The following CDKN1B variants were observed in gnomAD, a reference collection of about 807,000 sequenced individuals.
CDKN1B encodes the protein cyclin-dependent kinase inhibitor 1B.
In CDKN1B, 7 loss-of-function variants were observed where a neutral mutation model predicts 17.1. The ratio of observed to expected loss-of-function variants is 0.41; its 90% CI spans 0.23 to 0.77. The LOEUF is 0.77. Among genes scored for constraint, CDKN1B ranks in the 30% least tolerant of loss-of-function variants. CDKN1B has a pLI of 0.33. For synonymous variants in CDKN1B, 149 were observed against 104.3 expected, an observed-to-expected ratio of 1.43 and a Z score of -2.61; for missense variants, 337 against 262.0, an observed-to-expected ratio of 1.29 and a Z score of -1.98.
Position 12,718,960 on chromosome 12 carries a change from T to C in CDKN1B, c.*8+6T>C, listed in dbSNP as rs1459838767. On this transcript the variant is annotated splice_donor_region_variant and intron_variant, in intron 2 of 2. Coordinates refer to ENST00000228872, the MANE Select transcript of CDKN1B (RefSeq NM_004064.5). ...CGTCAAACGTAAACAGCTCGGTGGG[T>C]TGATCACTAAAGGAGCACGCACTGG... 2.5e-6 allele frequency: 4 copies of C among 1,613,608 alleles called. No homozygotes were observed. The highest frequency in any genetic ancestry group is 1.1e-5 in the South Asian group (1 of 91,058).
In CDKN1B at chr12:12,718,748, T is replaced by C. The variant is rs3093731; in HGVS notation, c.476-77T>C. 4,434 of 1,571,500 alleles carry C rather than the reference T, an allele frequency of 2.8e-3. 93 individuals are homozygous for C. The Admixed American group carries it at 0.046, about 16-fold the overall frequency. On this transcript the variant is annotated intron_variant, in intron 1 of 2. Transcript: ENST00000228872. ...TAGTGGGTTTTTCATCCCCTGACTA[T>C]GGGGCCAACTTCTGCCAGCCATTGT...
At chr12:12,720,278 CA>C (rs1946529192) in intron 2 of CDKN1B, among the ~76,000 whole-genome samples, 1 of 152,170 alleles carries the variant, frequency 6.6e-6, no homozygotes, top group African/African-American at 2.4e-5. Flanking sequence ...CCTGTTCTGA[CA>C]TGCAATGAGG....
rs1946476825 is a variant in CDKN1B at position 12,717,487 on chromosome 12, A to G, written c.-353A>G. The G allele has an allele frequency of 1.5e-6, 2 of 1,341,426 alleles. No individual in the cohort carries two copies. Among genetic ancestry groups the G allele is most frequent in the Non-Finnish European group, 9.6e-7 (1 of 1,043,306 alleles). 83.1% of individuals were successfully genotyped at this position (1,341,426 alleles called of 1,614,324 possible). A position where few individuals can be genotyped will look rare whatever the true frequency, so the allele number is the denominator to read the frequency against. The stretch of plus-strand genomic sequence containing the variant: ...GCTTGCTCACGGCTCTGCGACTCCG[A>G]CGCCGGCAAGGTTTGGAGAGCGGCT... On this transcript the variant is annotated 5_prime_UTR_variant, in exon 1 of 3. Transcript: ENST00000228872.
intron 1 of CDKN1B, 122 bp from the exon 2 acceptor site, chr12:12,718,703 T>A (rs1946508151): frequency 8.8e-7 from 1 of 1,142,050 alleles, no homozygotes; most frequent in Non-Finnish European, 1.3e-6. Context: ...GGATGACGGA[T>A]CCAGGATTGT....
chr12:12,717,898 A>C lies in CDKN1B; in HGVS notation c.59A>C (p.Gln20Pro). Residue 20 changes from glutamine to proline, a missense_variant, in exon 1 of 3, where the codon CAG becomes CCG. Physicochemically the swap from Gln to Pro is moderately conservative, Grantham distance 76 (BLOSUM62 -1). Transcript: ENST00000228872. ...AGCCTGGAGCGGATGGACGCCAGGCAGGCGGAGCACCCCAAGCCCTCGGCC... is the reference window on the plus strand; with the variant it reads ...AGCCTGGAGCGGATGGACGCCAGGCCGGCGGAGCACCCCAAGCCCTCGGCC... Reference protein sequence around the residue: ...SPSLERMDARQAEHPKPSACR... With the variant: ...SPSLERMDARPAEHPKPSACR... 1 of 1,614,094 alleles carries C rather than the reference A, an allele frequency of 6.2e-7. No individual in the cohort carries two copies. Among genetic ancestry groups the C allele is most frequent in the Non-Finnish European group, 8.5e-7 (1 of 1,180,036 alleles).
In CDKN1B at chr12:12,717,750, G is replaced by A; in HGVS notation, c.-90G>A. On this transcript the variant is annotated 5_prime_UTR_variant, in exon 1 of 3. Transcript: ENST00000228872. ...GAGGGCAGTCGCTGGGCTTCCGAGA[G>A]GGGTTCGGGCTGCGTAGGGGCGCTT... is the stretch of plus-strand genomic sequence containing the variant. 6.3e-7 allele frequency: 1 copy of A among 1,596,364 alleles called. No homozygotes were observed. Among genetic ancestry groups the A allele is most frequent in the Non-Finnish European group, 8.5e-7 (1 of 1,178,024 alleles).
chr12:12,719,921 T>G (rs191432313), intron 2 of CDKN1B, among the ~76,000 whole-genome samples: 3 of 152,348 alleles, frequency 2.0e-5, no homozygotes, highest in African/African-American at 7.2e-5. Context: ...ACCAAGACTG[T>G]GACCTCTTTA....
At chr12:12,719,665 C>T (rs1043855798) in intron 2 of CDKN1B, 4 of 152,504 alleles carry the variant, frequency 2.6e-5, no homozygotes, top group Admixed American at 1.3e-4. Flanking sequence ...TCCAGGAACA[C>T]GTCAGCCAGT....
chr12:12,718,172 G>T lies in CDKN1B; in HGVS notation c.333G>T (p.Gly111=), dbSNP rs1191031178. 2 of 1,613,304 alleles carry T rather than the reference G, an allele frequency of 1.2e-6. No individual in the cohort carries two copies. The highest frequency in any genetic ancestry group is 1.7e-6 in the Non-Finnish European group (2 of 1,179,788). The change falls in exon 1 of 3, where the codon GGG becomes GGT. Residue 111 remains glycine, a synonymous_variant. Coordinates refer to ENST00000228872, the MANE Select transcript of CDKN1B (RefSeq NM_004064.5). The part of the protein sequence containing the change: ...VPAQESQDVS[G]SRPAAPLIGA... ...CGCAGGAGAGCCAGGATGTCAGCGGGAGCCGCCCGGCGGCGCCTTTAATTG... is the reference window on the plus strand; with the variant it reads ...CGCAGGAGAGCCAGGATGTCAGCGGTAGCCGCCCGGCGGCGCCTTTAATTG...
rs951362882 is a variant in CDKN1B at position 12,719,089 on chromosome 12, T to C, written c.*8+135T>C. 2.8e-6 allele frequency: 3 copies of C among 1,060,170 alleles called. No individual in the cohort carries two copies. The African/African-American group carries it at 4.8e-5, about 17-fold the overall frequency. 65.7% of individuals were successfully genotyped at this position (1,060,170 alleles called of 1,614,324 possible). A position where few individuals can be genotyped will look rare whatever the true frequency, so the allele number is the denominator to read the frequency against. ...TTTATACTTCGTGAGGTCAAAAAAG[T>C]AGCAATGGGGAAGGCTGGGGATACG... On this transcript the variant is annotated intron_variant, in intron 2 of 2. Transcript: ENST00000228872.
At chr12:12,718,361 G>A (rs1472872084) in intron 1 of CDKN1B, 47 bp downstream of exon 1, 2 of 1,524,090 alleles carry the variant, frequency 1.3e-6, no homozygotes, top group Non-Finnish European at 1.8e-6. Flanking sequence ...GCCCCGCTTT[G>A]CCTGCTGGAG....
In CDKN1B at chr12:12,717,906, C is replaced by T. The variant is rs1946487548; in HGVS notation, c.67C>T (p.His23Tyr). The change falls in exon 1 of 3, where the codon CAC becomes TAC. Residue 23 changes from histidine (H) to tyrosine (Y), a missense_variant. By Grantham distance (83) the His-to-Tyr change is moderately conservative. Transcript: ENST00000228872. ...LERMDARQAE[H>Y]PKPSACRNLF... is the part of the protein sequence containing the mutation. The stretch of plus-strand genomic sequence containing the variant: ...GCGGATGGACGCCAGGCAGGCGGAG[C>T]ACCCCAAGCCCTCGGCCTGCAGGAA... The T allele has an allele frequency of 6.2e-7, 1 of 1,614,102 alleles. No homozygotes were observed. The highest frequency in any genetic ancestry group is 1.7e-5 in the Admixed American group (1 of 60,028).
At chr12:12,719,007 A>AC in intron 2 of CDKN1B, 53 bp downstream of exon 2, 1 of 1,605,580 alleles carries the variant, frequency 6.2e-7, no homozygotes, top group Non-Finnish European at 8.5e-7. Flanking sequence ...TTCAGACCTC[A>AC]CGATACCTGA....
chr12:12,718,636 G>T (rs1946506891), intron 1 of CDKN1B, among the ~76,000 whole-genome samples, 189 bp from the exon 2 acceptor site: 1 of 151,970 alleles, frequency 6.6e-6, no homozygotes, highest in African/African-American at 2.4e-5. Context: ...CTGGGGCGGA[G>T]AATGCACTTT....
chr12:12,719,227 C>T, intron 2 of CDKN1B: 1 of 438,856 alleles, frequency 2.3e-6, no homozygotes, highest in Non-Finnish European at 4.2e-6. Flanking sequence ...CCTGTGAGTC[C>T]CACTAAAACG....
rs200321335 is a variant in CDKN1B at position 12,718,953 on chromosome 12, C to T, written c.*7C>T. On this transcript the variant is annotated splice_region_variant and 3_prime_UTR_variant, in exon 2 of 3. Coordinates refer to ENST00000228872, the MANE Select transcript of CDKN1B (RefSeq NM_004064.5). ...CAGAAGACGTCAAACGTAAACAGCT[C>T]GGTGGGTTGATCACTAAAGGAGCAC... The T allele has an allele frequency of 3.7e-6, 6 of 1,613,742 alleles. No homozygotes were observed. In the African/African-American group the frequency reaches 4.0e-5, roughly 11 times the overall value.
chr12:12,717,436 T>G lies in CDKN1B; in HGVS notation c.-404T>G. ...AAAAAGGGGGCTCGTCTTTTCGGGG[T>G]GTTTTTCTCCCCCTCCCCTGTCCCC... On this transcript the variant is annotated 5_prime_UTR_variant, in exon 1 of 3. Coordinates refer to ENST00000228872, the MANE Select transcript of CDKN1B (RefSeq NM_004064.5). 2 of 1,234,048 alleles carry G rather than the reference T, an allele frequency of 1.6e-6. No homozygotes were observed. Among genetic ancestry groups the G allele is most frequent in the East Asian group, 3.7e-5 (1 of 27,272 alleles). 76.4% of individuals were successfully genotyped at this position (1,234,048 alleles called of 1,614,324 possible). A position where few individuals can be genotyped will look rare whatever the true frequency, so the allele number is the denominator to read the frequency against.
At position 12,718,188 on chromosome 12, in the gene CDKN1B, C is replaced by T. The variant is rs754936421; in HGVS notation, c.349C>T (p.Pro117Ser). Residue 117 changes from proline to serine, a missense_variant, in exon 1 of 3, where the codon CCT becomes TCT. Physicochemically the swap from Pro to Ser is moderately conservative, Grantham distance 74. Coordinates refer to ENST00000228872, the MANE Select transcript of CDKN1B (RefSeq NM_004064.5). ...QDVSGSRPAA[P>S]LIGAPANSED... ...TGTCAGCGGGAGCCGCCCGGCGGCG[C>T]CTTTAATTGGGGCTCCGGCTAACTC... The T allele has an allele frequency of 3.8e-5, 61 of 1,612,986 alleles. No homozygotes were observed. Among genetic ancestry groups the T allele is most frequent in the Non-Finnish European group, 4.8e-5 (57 of 1,179,810 alleles).
Position 12,717,785 on chromosome 12 carries a change from C to T in CDKN1B, c.-55C>T. The T allele has an allele frequency of 6.2e-7, 1 of 1,602,566 alleles. No homozygotes were observed. The highest frequency in any genetic ancestry group is 8.5e-7 in the Non-Finnish European group (1 of 1,177,696). On this transcript the variant is annotated 5_prime_UTR_variant, in exon 1 of 3. Coordinates refer to ENST00000228872, the MANE Select transcript of CDKN1B (RefSeq NM_004064.5). ...CTGCGTAGGGGCGCTTTGTTTTGTT[C>T]GGTTTTGTTTTTTTGAGAGTGCGAG...
Sources: allele counts gnomAD v4.1 joint callset (sites outside exome capture counted in the v4.1 genomes callset), GRCh38; gene constraint gnomAD v4.1.1; transcripts MANE v1.5; gene names NCBI Gene and HGNC (gene_info 2026-07-23, HGNC 2026-07-21).